The following TTLL10 variants were observed in gnomAD, a reference collection of about 807,000 sequenced individuals.
The protein encoded by TTLL10 is tubulin tyrosine ligase like 10, also known as inactive polyglycylase TTLL10.
TTLL10 carries 61 observed loss-of-function variants against 69.0 expected under a neutral mutation model. The observed-to-expected ratio is 0.88, with a 90% CI of 0.72 to 1.09. The LOEUF (loss-of-function observed/expected upper bound fraction) is 1.09, where lower values mean the gene tolerates loss of function less well. Ranked by LOEUF, TTLL10 falls within the 50% of genes least tolerant of loss-of-function variation. The probability of loss-of-function intolerance (pLI) is 0.00; values close to 1 mark genes in which losing one functional copy is unlikely to be tolerated. For synonymous variants in TTLL10, 408 were observed against 393.3 expected (o/e 1.04, Z -0.44); for missense variants, 962 against 945.9 (o/e 1.02, Z -0.22).
intron 13 of TTLL10, among the ~76,000 whole-genome samples, chr1:1,193,100 G>A (rs1647946292): frequency 1.3e-5 from 2 of 152,266 alleles, no homozygotes; most frequent in Admixed American, 6.5e-5. Flanking sequence ...GCCAAGGCAG[G>A]TGGATCACAA....
At chr1:1,177,811 C>T (rs1200631931) in intron 3 of TTLL10, among the ~76,000 whole-genome samples, 3 of 152,188 alleles carry the variant, frequency 2.0e-5, no homozygotes, top group Non-Finnish European at 4.4e-5. Flanking sequence ...TCCGTGCCTG[C>T]GCAGGGTCCA....
Position 1,180,118 on chromosome 1 carries a change from G to A in TTLL10, c.284G>A (p.Gly95Glu), listed in dbSNP as rs756962851. 1.2e-4 allele frequency: 201 copies of A among 1,611,492 alleles called. 1 individual carries two copies. In the South Asian group the frequency reaches 1.5e-3, roughly 12 times the overall value. ...AGCCAGCCAGACCACGACGCAGATG[G>A]ACACTGTGGGCCGGACCTGGAGGGG... ...QPSQPDHDAD[G>E]HCGPDLEGAE... The change falls in exon 6 of 16, where the codon GGA becomes GAA. Residue 95 changes from glycine to glutamate, a missense_variant. Physicochemically the swap from Gly to Glu is moderately conservative, Grantham distance 98 (BLOSUM62 -2). Coordinates refer to ENST00000379289, the MANE Select transcript of TTLL10 (RefSeq NM_001130045.2).
intron 3 of TTLL10, chr1:1,175,733 C>T (rs140711971): frequency 7.7e-5 from 35 of 453,824 alleles, no homozygotes; most frequent in African/African-American, 6.0e-4. Context: ...CTGCTCCCAG[C>T]TGCTGTGCAG....
chr1:1,179,188 G>GGA lies in TTLL10; in HGVS notation c.-27_-26insAG. 16 of 1,510,700 alleles carry GGA rather than the reference G, an allele frequency of 1.1e-5. No homozygotes were observed. Among genetic ancestry groups the GGA allele is most frequent in the Non-Finnish European group, 1.3e-5 (15 of 1,126,172 alleles). The allele number at this position is 1,510,700 out of a possible 1,614,324, so 93.6% of individuals were successfully genotyped here. On this transcript the variant is annotated splice_region_variant and 5_prime_UTR_variant. Coordinates refer to ENST00000379289, the MANE Select transcript of TTLL10 (RefSeq NM_001130045.2). The stretch of plus-strand genomic sequence containing the variant: ...GGGTCAGAGCGGCATCTTCCCTTCA[G>GGA]GGCCCTCGCCCGGGCACCCCCCGGC...
Position 1,197,527 on chromosome 1 carries a change from G to C in TTLL10, c.1702G>C (p.Gly568Arg), listed in dbSNP as rs774422160. Reference sequence around the variant, plus strand: ...GCGCCGCTTCGTGCTCCTGCACAACGGTGAGGCCGACCCGCGGCCGCACCT... The same window carrying C: ...GCGCCGCTTCGTGCTCCTGCACAACCGTGAGGCCGACCCGCGGCCGCACCT... ...SQRRFVLLHN[G>R]EADPRPHLGG... Residue 568 changes from glycine to arginine, a missense_variant, in exon 16 of 16, where the codon GGT becomes CGT. By Grantham distance (125) the Gly-to-Arg change is moderately radical. Coordinates refer to ENST00000379289, the MANE Select transcript of TTLL10 (RefSeq NM_001130045.2). The C allele has an allele frequency of 1.3e-6, 2 of 1,534,430 alleles. No homozygotes were observed. The highest frequency in any genetic ancestry group is 1.7e-6 in the Non-Finnish European group (2 of 1,143,428).
intron 14 of TTLL10, 80 bp from the exon 15 acceptor site, chr1:1,197,013 C>A: frequency 7.5e-7 from 1 of 1,328,690 alleles, no homozygotes; most frequent in Non-Finnish European, 1.1e-6. Context: ...AGCCATCTGT[C>A]TGAATGAGGA....
intron 12 of TTLL10, 150 bp from the exon 13 acceptor site, chr1:1,184,819 G>A (rs58966078): frequency 1.3e-4 from 6 of 44,788 alleles, no homozygotes; most frequent in Admixed American, 4.0e-4. Context: ...CAGGCCCTCC[G>A]GACAGTCTGG....
Position 1,179,187 on chromosome 1 carries a change from A to G in TTLL10, c.-27-2A>G, listed in dbSNP as rs1218700466. Reference sequence around the variant, plus strand: ...AGGGTCAGAGCGGCATCTTCCCTTCAGGGCCCTCGCCCGGGCACCCCCCGG... The same window carrying G: ...AGGGTCAGAGCGGCATCTTCCCTTCGGGGCCCTCGCCCGGGCACCCCCCGG... On this transcript the variant is annotated splice_acceptor_variant, in intron 3 of 15. Transcript: ENST00000379289. LOFTEE classifies it low-confidence loss of function (5UTR_SPLICE). 36 of 1,507,930 alleles carry G rather than the reference A, an allele frequency of 2.4e-5. No homozygotes were observed. In the East Asian group the frequency reaches 8.4e-4, roughly 35 times the overall value. 93.4% of individuals were successfully genotyped at this position (1,507,930 alleles called of 1,614,324 possible).
chr1:1,188,682 G>A (rs1647524126), intron 13 of TTLL10, among the ~76,000 whole-genome samples: 1 of 152,162 alleles, frequency 6.6e-6, no homozygotes, highest in African/African-American at 2.4e-5. Flanking sequence ...TGGGATTACA[G>A]GTGTGAGCCA....
rs760143911 is a variant in TTLL10, at chr1:1,180,567, CAA to C, written c.592_593del (p.Lys198GlufsTer107). 1 of 1,551,990 alleles carries C rather than the reference CAA, an allele frequency of 6.4e-7. No homozygotes were observed. The highest frequency in any genetic ancestry group is 8.7e-7 in the Non-Finnish European group (1 of 1,147,414). On this transcript the variant is annotated frameshift_variant, in exon 7 of 16. Transcript: ENST00000379289. LOFTEE classifies it high-confidence loss of function. Reference protein sequence around the residue: ...DDYTLKWCEVKSRDSYGSFRE... With the variant: ...DDYTLKWCEVXSRDSYGSFRE... ...ACTACACGCTGAAGTGGTGTGAGGT[CAA>C]GAGCCGAGACAGCTACGGCAGCTTC...
At chr1:1,189,836 G>C (rs978979072) in intron 13 of TTLL10, among the ~76,000 whole-genome samples, 10 of 152,046 alleles carry the variant, frequency 6.6e-5, no homozygotes, top group Non-Finnish European at 1.2e-4. Flanking sequence ...CATTTCACCA[G>C]GCACGGTGGC....
chr1:1,182,535 G>T, intron 10 of TTLL10, 89 bp downstream of exon 10: 1 of 1,358,742 alleles, frequency 7.4e-7, no homozygotes, highest in Non-Finnish European at 1.1e-6. Context: ...GGCAGGGCTG[G>T]GTCTGGAGGG....
chr1:1,180,330 G>A lies in TTLL10; in HGVS notation c.496G>A (p.Gly166Arg), dbSNP rs764532280. 21 of 1,573,474 alleles carry A rather than the reference G, an allele frequency of 1.3e-5. No individual in the cohort carries two copies. Among genetic ancestry groups the A allele is most frequent in the South Asian group, 1.0e-4 (9 of 86,168 alleles). The stretch of plus-strand genomic sequence containing the variant: ...CTTCTTCTACATTGGAGGCAGCAAC[G>A]GGGCCACAATGTGAGTAGCGGCCCT... The part of the protein sequence containing the change: ...GPFFYIGGSN[G>R]ATIISSYCKS... Residue 166 changes from glycine (G) to arginine (R), a missense_variant, in exon 6 of 16, where the codon GGG (glycine) becomes AGG (arginine). By Grantham distance (125) the Gly-to-Arg change is moderately radical. Transcript: ENST00000379289.
intron 12 of TTLL10, 116 bp downstream of exon 12, chr1:1,184,207 GGGA>G: frequency 1.4e-6 from 2 of 1,434,676 alleles, no homozygotes; most frequent in Non-Finnish European, 1.9e-6. Flanking sequence ...GGCCCAGGCC[GGGA>G]GGTGTCTCAG....
Position 1,197,739 on chromosome 1 carries a change from G to GT in TTLL10, c.1914_1915insT (p.Ala639CysfsTer31). 1 of 1,534,466 alleles carries GT rather than the reference G, an allele frequency of 6.5e-7. No individual in the cohort carries two copies. Among genetic ancestry groups the GT allele is most frequent in the Non-Finnish European group, 8.7e-7 (1 of 1,142,874 alleles). ...ACAGCGCCCACGATGGGGAGCCCCA[G>GT]GCCCCGGGCACGGAGCAGTCGGGCA... On this transcript the variant is annotated frameshift_variant, in exon 16 of 16. Coordinates refer to ENST00000379289, the MANE Select transcript of TTLL10 (RefSeq NM_001130045.2). LOFTEE classifies it high-confidence loss of function.
At chr1:1,179,084 C>CAAGG in intron 3 of TTLL10, 105 bp from the exon 4 acceptor site, 1 of 755,666 alleles carries the variant, frequency 1.3e-6, no homozygotes, top group Non-Finnish European at 2.1e-6. Context: ...TGGGAGGCGC[C>CAAGG]CTTTCCTGGG....
At chr1:1,180,642 C>T (rs768211532) in intron 7 of TTLL10, 41 bp downstream of exon 7, 61 of 1,552,980 alleles carry the variant, frequency 3.9e-5, no homozygotes, top group Non-Finnish European at 5.1e-5. Flanking sequence ...CCTGCAGGGG[C>T]CTCCTGGGCC....
intron 4 of TTLL10, 148 bp downstream of exon 4, chr1:1,179,481 G>A (rs1264632875): frequency 1.6e-6 from 2 of 1,270,708 alleles, no homozygotes; most frequent in East Asian, 2.5e-5. Context: ...CGAGAGAGGG[G>A]CCAGCTGTGG....
At chr1:1,179,041 C>T (rs1646957236) in intron 3 of TTLL10, 148 bp from the exon 4 acceptor site, 2 of 570,318 alleles carry the variant, frequency 3.5e-6, no homozygotes, top group Non-Finnish European at 6.1e-6. Context: ...GAGACGGGAG[C>T]CAGCCGCACG....
Sources: gnomAD v4.1 joint callset for allele counts (sites outside exome capture counted in the v4.1 genomes callset) on GRCh38, gnomAD v4.1.1 for gene constraint, MANE v1.5 for transcripts, NCBI Gene and HGNC (gene_info 2026-07-23, HGNC 2026-07-21) for gene names.